Variants in NRXN3 observed in about 807,000 individuals in gnomAD.
NRXN3 encodes neurexin III.
NRXN3 carries 32 observed loss-of-function variants against 137.6 expected under a neutral mutation model. The observed-to-expected ratio is 0.23, with a 90% confidence interval of 0.18 to 0.31. The LOEUF (loss-of-function observed/expected upper bound fraction) is 0.31, where lower values mean the gene tolerates loss of function less well. Ranked by LOEUF, NRXN3 falls within the 10% of genes least tolerant of loss-of-function variation. The pLI, the probability that NRXN3 is intolerant of heterozygous loss-of-function variation, is 1.00. For missense variants in NRXN3, 1,574 were observed against 2,062.5 expected (o/e 0.76, Z 4.59); for synonymous variants, 798 against 784.5 (o/e 1.02, Z -0.29).
At chr14:79,761,126 A>G (rs1288719734) in intron 19 of NRXN3, among the ~76,000 whole-genome samples, 2 of 151,662 alleles carry the variant, frequency 1.3e-5, no homozygotes, top group African/African-American at 4.9e-5. Flanking sequence ...ATGCAAAAAA[A>G]GATTTAATAT....
chr14:79,830,279 G>A (rs2099318977), intron 20 of NRXN3, among the ~76,000 whole-genome samples: 1 of 152,020 alleles, frequency 6.6e-6, no homozygotes, highest in African/African-American at 2.4e-5. Flanking sequence ...TCTATTTCTG[G>A]AAAAAAAGGA....
At chr14:79,254,923 GTC>G (rs986718785) in intron 15 of NRXN3, among the ~76,000 whole-genome samples, 19 of 147,210 alleles carry the variant, frequency 1.3e-4, no homozygotes, top group African/African-American at 4.8e-4. Flanking sequence ...TCTAGTAGAT[GTC>G]TCTGATTCTA....
At chr14:79,336,430 G>T (rs1171260733) in intron 15 of NRXN3, among the ~76,000 whole-genome samples, 1 of 152,164 alleles carries the variant, frequency 6.6e-6, no homozygotes, top group African/African-American at 2.4e-5. Context: ...AGCATACTTT[G>T]GTGTCCACAG....
At chr14:79,605,395 G>C (rs1384756202) in intron 16 of NRXN3, among the ~76,000 whole-genome samples, 1 of 152,136 alleles carries the variant, frequency 6.6e-6, no homozygotes, top group African/African-American at 2.4e-5. Context: ...AGTGATCTGG[G>C]AGAAGGAGTC....
chr14:79,784,110 T>C (rs982463700), intron 19 of NRXN3, among the ~76,000 whole-genome samples: 6 of 152,176 alleles, frequency 3.9e-5, no homozygotes, highest in African/African-American at 1.4e-4. Flanking sequence ...GCCAAAAACA[T>C]TTCTAACTAT....
chr14:78,260,561 T>C (rs963239515), intron 2 of NRXN3, among the ~76,000 whole-genome samples: 2 of 152,192 alleles, frequency 1.3e-5, no homozygotes, highest in African/African-American at 4.8e-5. Flanking sequence ...AATTCCCACA[T>C]GTTGTGGAAG....
chr14:78,676,260 C>T (rs1299466413), intron 6 of NRXN3, among the ~76,000 whole-genome samples: 1 of 152,088 alleles, frequency 6.6e-6, no homozygotes, highest in Non-Finnish European at 1.5e-5. Flanking sequence ...GAAAGCTAGG[C>T]CTTTTAGGCC....
chr14:79,779,233 C>T (rs773356836), intron 19 of NRXN3, among the ~76,000 whole-genome samples: 1 of 152,162 alleles, frequency 6.6e-6, no homozygotes, highest in Non-Finnish European at 1.5e-5. Context: ...CCTGCCTCAG[C>T]CTCTCGAGTA....
intron 4 of NRXN3, among the ~76,000 whole-genome samples, chr14:78,551,689 C>A (rs2096691718): frequency 6.8e-6 from 1 of 147,418 alleles, no homozygotes; most frequent in Non-Finnish European, 1.5e-5. Context: ...CCTCCCCTTT[C>A]TCCTTTTCCC....
intron 15 of NRXN3, among the ~76,000 whole-genome samples, chr14:79,033,157 C>G (rs10134044): frequency 0.04 from 6,126 of 152,118 alleles, 454 homozygotes; most frequent in African/African-American, 0.14. Context: ...TTTTCTTCCT[C>G]CAGGAATCAT....
chr14:78,712,309 C>T (rs2098412880), intron 7 of NRXN3, among the ~76,000 whole-genome samples: 1 of 152,106 alleles, frequency 6.6e-6, no homozygotes, highest in Non-Finnish European at 1.5e-5. Context: ...AATAATAACT[C>T]CTACCTCCCA....
At chr14:78,979,490 T>A (rs2099483022) in intron 14 of NRXN3, among the ~76,000 whole-genome samples, 1 of 152,160 alleles carries the variant, frequency 6.6e-6, no homozygotes, top group Admixed American at 6.5e-5. Context: ...TGTACTTTTT[T>A]CCTTCCACCC....
chr14:78,472,089 C>T (rs1042048041), intron 4 of NRXN3, among the ~76,000 whole-genome samples: 30 of 152,316 alleles, frequency 2.0e-4, no homozygotes, highest in Non-Finnish European at 4.4e-4. Context: ...GAAGAGAAAG[C>T]CTCAAAGAGC....
chr14:79,389,561 CT>C (rs1170750437), intron 15 of NRXN3, among the ~76,000 whole-genome samples: 1 of 152,186 alleles, frequency 6.6e-6, no homozygotes, highest in African/African-American at 2.4e-5. Flanking sequence ...CCCTTCTTTC[CT>C]CATCTGATAA....
chr14:78,390,329 A>T (rs2090587203), intron 4 of NRXN3, among the ~76,000 whole-genome samples: 1 of 152,178 alleles, frequency 6.6e-6, no homozygotes, highest in Non-Finnish European at 1.5e-5. Flanking sequence ...TTTGCAGTAC[A>T]GTGGTGCAGT....
At chr14:79,053,725 G>A (rs1046693706) in intron 15 of NRXN3, among the ~76,000 whole-genome samples, 1 of 151,980 alleles carries the variant, frequency 6.6e-6, no homozygotes, top group Non-Finnish European at 1.5e-5. Context: ...AGGGAAAAGA[G>A]GGTGAAAGTG....
chr14:79,598,894 A>G (rs1018171454), intron 16 of NRXN3, among the ~76,000 whole-genome samples: 5 of 152,220 alleles, frequency 3.3e-5, no homozygotes, highest in Non-Finnish European at 7.3e-5. Context: ...GACATGGGTT[A>G]GAAGAGGTGG....
At chr14:79,231,303 G>A (rs958477383) in intron 15 of NRXN3, among the ~76,000 whole-genome samples, 2 of 152,140 alleles carry the variant, frequency 1.3e-5, no homozygotes, top group African/African-American at 2.4e-5. Flanking sequence ...CCCTTAATAT[G>A]ATTAGTTTCC....
At position 79,362,106 on chromosome 14, in the gene NRXN3, C is replaced by T. The variant is rs374981825; in HGVS notation, c.3263-105115C>T. 1.3e-4 allele frequency among the ~76,000 whole-genome samples: 20 copies of T among 149,468 alleles called. No homozygotes were observed. The East Asian group carries it at 3.3e-3, about 25-fold the overall frequency. Reference sequence around the variant, plus strand: ...TCCCGAGTAGCTGGGATTACAGGCGCGGGCCACCATGCCCAGCTAATTTTT... The same window carrying T: ...TCCCGAGTAGCTGGGATTACAGGCGTGGGCCACCATGCCCAGCTAATTTTT... On this transcript the variant is annotated intron_variant, in intron 15 of 20. Transcript: ENST00000335750.
Sources: allele counts gnomAD v4.1 joint callset (sites outside exome capture counted in the v4.1 genomes callset), GRCh38; gene constraint gnomAD v4.1.1; transcripts MANE v1.5; gene names NCBI Gene and HGNC (gene_info 2026-07-23, HGNC 2026-07-21).